GRID2: variants seen among roughly 807,000 people sequenced by gnomAD.
The protein encoded by GRID2 is glutamate receptor ionotropic, delta-2.
In GRID2, 33 loss-of-function variants were observed where a neutral mutation model predicts 114.8. That is an observed-to-expected ratio of 0.29 (90% CI 0.22 to 0.38). GRID2 has a LOEUF of 0.38. GRID2 is among the 10% of genes least tolerant of loss of function. The pLI is 1.00. For synonymous variants in GRID2, 505 were observed against 449.9 expected, an observed-to-expected ratio of 1.12 and a Z score of -1.55; for missense variants, 1,184 against 1,257.7, an observed-to-expected ratio of 0.94 and a Z score of 0.89.
At chr4:92,870,201 TA>T (rs1158851945) in intron 2 of GRID2, among the ~76,000 whole-genome samples, 3 of 151,462 alleles carry the variant, frequency 2.0e-5, no homozygotes, top group Admixed American at 2.0e-4. Flanking sequence ...ACTCTGTCTC[TA>T]AAAAAGAACA....
chr4:93,121,886 G>T (rs1733812853), intron 4 of GRID2, among the ~76,000 whole-genome samples: 1 of 152,116 alleles, frequency 6.6e-6, no homozygotes, highest in Non-Finnish European at 1.5e-5. Flanking sequence ...TCTGATGGAT[G>T]ATTTATTTTG....
chr4:92,356,066 C>T (rs984501333), intron 1 of GRID2, among the ~76,000 whole-genome samples: 4 of 151,636 alleles, frequency 2.6e-5, no homozygotes, highest in Admixed American at 2.0e-4. Flanking sequence ...TATATTTATA[C>T]TTGGTCATAA....
At chr4:92,571,588 C>G (rs1202760628) in intron 1 of GRID2, among the ~76,000 whole-genome samples, 3 of 152,170 alleles carry the variant, frequency 2.0e-5, no homozygotes, top group African/African-American at 4.8e-5. Context: ...ACATTCTTCT[C>G]AGCACCACAC....
At chr4:93,645,655 C>G (rs1722042384) in intron 14 of GRID2, among the ~76,000 whole-genome samples, 1 of 152,098 alleles carries the variant, frequency 6.6e-6, no homozygotes, top group Non-Finnish European at 1.5e-5. Context: ...CCTTTCTCTC[C>G]AGACTATTCA....
intron 4 of GRID2, among the ~76,000 whole-genome samples, chr4:93,149,871 A>G (rs1270972685): frequency 6.6e-6 from 1 of 152,000 alleles, no homozygotes; most frequent in Non-Finnish European, 1.5e-5. Flanking sequence ...CTTGGCTTCA[A>G]GTGATCCTCC....
At chr4:93,490,555 T>G in intron 11 of GRID2, 84 bp from the exon 12 acceptor site, 1 of 983,438 alleles carries the variant, frequency 1.0e-6, no homozygotes, top group Non-Finnish European at 1.5e-6. Context: ...ACTTGCAAGT[T>G]AATTTGGTGT....
At position 93,518,120 on chromosome 4, in the gene GRID2, T is replaced by G. The variant is rs1729989156; in HGVS notation, c.2193+2709T>G. On this transcript the variant is annotated intron_variant, in intron 13 of 15. Coordinates refer to ENST00000282020, the MANE Select transcript of GRID2 (RefSeq NM_001510.4). ...TATGGATATATATATAGTAACTGCC[T>G]TCCAGGAAGGCCTGCATCACTGAGA... Among the ~76,000 whole-genome samples, 3 of 150,812 alleles carry G rather than the reference T, an allele frequency of 2.0e-5. No homozygotes were observed. In the South Asian group the frequency reaches 6.3e-4, roughly 31 times the overall value.
intron 1 of GRID2, among the ~76,000 whole-genome samples, chr4:92,368,868 A>G (rs796588804): frequency 1.3e-5 from 2 of 151,976 alleles, no homozygotes; most frequent in South Asian, 2.1e-4. Flanking sequence ...TTGATCATTC[A>G]GTGGAACTGA....
At chr4:92,683,843 A>G (rs62310185) in intron 2 of GRID2, among the ~76,000 whole-genome samples, 6 of 151,890 alleles carry the variant, frequency 4.0e-5, no homozygotes, top group Non-Finnish European at 8.8e-5. Context: ...ATATGTATAC[A>G]TATAGAAGCA....
chr4:93,656,383 G>T (rs1333279674), intron 14 of GRID2, among the ~76,000 whole-genome samples: 1 of 151,964 alleles, frequency 6.6e-6, no homozygotes, highest in Non-Finnish European at 1.5e-5. Flanking sequence ...GACAAGAAAA[G>T]CTCTAAAATA....
At chr4:93,464,625 C>T (rs1440748540) in intron 11 of GRID2, among the ~76,000 whole-genome samples, 1 of 152,148 alleles carries the variant, frequency 6.6e-6, no homozygotes, top group Non-Finnish European at 1.5e-5. Flanking sequence ...AGTATAAATA[C>T]ACATTATGTA....
intron 13 of GRID2, among the ~76,000 whole-genome samples, chr4:93,611,858 C>T (rs1358008551): frequency 6.6e-6 from 1 of 151,674 alleles, no homozygotes; most frequent in East Asian, 1.9e-4. Flanking sequence ...GAGTTCAATT[C>T]CTGGGTATCC....
chr4:92,311,774 G>A (rs112058560), intron 1 of GRID2, among the ~76,000 whole-genome samples: 4,418 of 151,942 alleles, frequency 0.029, 77 homozygotes, highest in Non-Finnish European at 0.046. Flanking sequence ...TGCTAATTGG[G>A]AGAATATTCT....
intron 7 of GRID2, among the ~76,000 whole-genome samples, chr4:93,230,557 A>G (rs2149499904): frequency 6.6e-6 from 1 of 152,302 alleles, no homozygotes; most frequent in South Asian, 2.1e-4. Flanking sequence ...GCAAGTCACA[A>G]TAAAGTTAAT....
intron 1 of GRID2, among the ~76,000 whole-genome samples, chr4:92,500,811 C>T (rs1723644354): frequency 6.6e-6 from 1 of 152,122 alleles, no homozygotes; most frequent in South Asian, 2.1e-4. Context: ...TCTAGAAGCT[C>T]TTCCGGGGCC....
intron 9 of GRID2, among the ~76,000 whole-genome samples, chr4:93,409,129 T>C (rs1397346017): frequency 6.6e-6 from 1 of 152,184 alleles, no homozygotes; most frequent in Non-Finnish European, 1.5e-5. Flanking sequence ...ACATTTCCTC[T>C]ACCCACTTAG....
At chr4:93,428,905 G>A (rs758605894) in intron 10 of GRID2, among the ~76,000 whole-genome samples, 8 of 152,274 alleles carry the variant, frequency 5.3e-5, no homozygotes, top group East Asian at 1.9e-4. Context: ...TCACAAAGGC[G>A]CTAGAAGGAA....
intron 2 of GRID2, among the ~76,000 whole-genome samples, chr4:93,076,610 CTT>C (rs56357327): frequency 0.36 from 34,763 of 95,876 alleles, 6,285 homozygotes; most frequent in African/African-American, 0.49. Context: ...TCACCAACCT[CTT>C]TTTTTTTTTT....
At chr4:93,090,434 T>A (rs550416916) in intron 3 of GRID2, among the ~76,000 whole-genome samples, 105 of 152,286 alleles carry the variant, frequency 6.9e-4, no homozygotes, top group African/African-American at 2.5e-3. Context: ...AGGCAAAACC[T>A]ATCACCTATA....
Sources: gnomAD v4.1 joint callset for allele counts (sites outside exome capture counted in the v4.1 genomes callset) on GRCh38, gnomAD v4.1.1 for gene constraint, MANE v1.5 for transcripts, NCBI Gene and HGNC (gene_info 2026-07-23, HGNC 2026-07-21) for gene names.